The following SPOCK3 variants were observed in gnomAD, a reference collection of about 807,000 sequenced individuals.
The protein encoded by SPOCK3 is testican-3.
A neutral mutation model predicts 56.6 loss-of-function variants in SPOCK3; 30 were observed. The observed-to-expected ratio is 0.53, with a 90% CI of 0.40 to 0.72. SPOCK3 has a LOEUF of 0.72. SPOCK3 is among the 30% of genes least tolerant of loss of function. The pLI is 0.00. For missense variants in SPOCK3, 527 were observed against 530.0 expected (o/e 0.99, Z 0.06); for synonymous variants, 196 against 183.3 (o/e 1.07, Z -0.56).
chr4:166,879,262 C>A (rs1733442595), intron 6 of SPOCK3, among the ~76,000 whole-genome samples: 1 of 152,128 alleles, frequency 6.6e-6, no homozygotes, highest in South Asian at 2.1e-4. Flanking sequence ...ATCATGATGG[C>A]TCATGCCTGT....
At chr4:166,924,237 C>G (rs1643939908) in intron 4 of SPOCK3, among the ~76,000 whole-genome samples, 1 of 152,056 alleles carries the variant, frequency 6.6e-6, no homozygotes. Flanking sequence ...TAATTTCTTC[C>G]CTTTGGTAGG....
chr4:166,955,839 C>A (rs901495090), intron 4 of SPOCK3, among the ~76,000 whole-genome samples: 2 of 151,798 alleles, frequency 1.3e-5, no homozygotes, highest in African/African-American at 4.8e-5. Flanking sequence ...ACATCATGAG[C>A]TGAGGAGCAG....
At chr4:166,902,037 C>G (rs916819477) in intron 5 of SPOCK3, among the ~76,000 whole-genome samples, 44 of 152,138 alleles carry the variant, frequency 2.9e-4, no homozygotes, top group African/African-American at 9.7e-4. Context: ...TTTTGCACAT[C>G]ATGCAATCAG....
At chr4:166,764,538 G>T (rs1431110187) in intron 7 of SPOCK3, among the ~76,000 whole-genome samples, 2 of 152,014 alleles carry the variant, frequency 1.3e-5, no homozygotes, top group Non-Finnish European at 2.9e-5. Context: ...TTTTATGGCT[G>T]CCTAGTATTC....
intron 2 of SPOCK3, among the ~76,000 whole-genome samples, chr4:167,192,998 T>G (rs1732606851): frequency 6.8e-6 from 1 of 146,198 alleles, no homozygotes; most frequent in Admixed American, 7.0e-5. Context: ...TCAGCACTTA[T>G]TTTTTGACCC....
intron 3 of SPOCK3, among the ~76,000 whole-genome samples, chr4:167,007,024 T>C (rs1349507182): frequency 6.6e-6 from 1 of 152,186 alleles, no homozygotes. Flanking sequence ...TTGTTATCAC[T>C]AGAATTCATA....
At chr4:167,057,184 C>G (rs1286964887) in intron 3 of SPOCK3, among the ~76,000 whole-genome samples, 1 of 152,158 alleles carries the variant, frequency 6.6e-6, no homozygotes, top group African/African-American at 2.4e-5. Flanking sequence ...TCCAGCCAAA[C>G]TAAGCTTCAT....
chr4:167,121,548 G>C (rs1761867195), intron 2 of SPOCK3, among the ~76,000 whole-genome samples: 1 of 151,976 alleles, frequency 6.6e-6, no homozygotes, highest in Non-Finnish European at 1.5e-5. Flanking sequence ...GGAAGCAATA[G>C]GAAGAGATAA....
intron 3 of SPOCK3, among the ~76,000 whole-genome samples, chr4:167,038,295 C>T (rs1752939000): frequency 6.6e-6 from 1 of 151,912 alleles, no homozygotes; most frequent in Non-Finnish European, 1.5e-5. Context: ...AATGGTTTGA[C>T]CAAAGAAAGA....
In SPOCK3 at chr4:167,223,214, T is replaced by G. The variant is rs1203929662; in HGVS notation, c.189+10771A>C. On this transcript the variant is annotated intron_variant, in intron 2 of 10. Coordinates refer to ENST00000357545, the MANE Select transcript of SPOCK3 (RefSeq NM_001040159.2). ...ATATGAATAATGTATATTTTATATG[T>G]GAATATATAATATATAATATATTTT... 2.9e-5 allele frequency among the ~76,000 whole-genome samples: 4 copies of G among 137,734 alleles called. No homozygotes were observed. In the Admixed American group the frequency reaches 3.0e-4, roughly 10 times the overall value. The allele number at this position is 137,734 out of a possible 152,430, so 90.4% of individuals were successfully genotyped here.
chr4:167,135,481 T>G (rs1049598754), intron 2 of SPOCK3, among the ~76,000 whole-genome samples: 2 of 152,194 alleles, frequency 1.3e-5, no homozygotes, highest in African/African-American at 4.8e-5. Flanking sequence ...CAAGTAGTTG[T>G]AATCTTTCTC....
chr4:167,032,708 T>G (rs570438097), intron 3 of SPOCK3, among the ~76,000 whole-genome samples: 2 of 152,076 alleles, frequency 1.3e-5, no homozygotes, highest in South Asian at 4.1e-4. Flanking sequence ...AATTATGATT[T>G]TATTAATTAT....
At chr4:167,002,601 AT>A (rs1258779278) in intron 3 of SPOCK3, among the ~76,000 whole-genome samples, 1 of 152,174 alleles carries the variant, frequency 6.6e-6, no homozygotes, top group East Asian at 1.9e-4. Flanking sequence ...AATAAACTAT[AT>A]TAATTTTTCA....
chr4:166,888,359 T>C (rs1734420298), intron 6 of SPOCK3, among the ~76,000 whole-genome samples: 2 of 152,096 alleles, frequency 1.3e-5, no homozygotes, highest in South Asian at 4.1e-4. Flanking sequence ...TATATAACTG[T>C]TGATGACAGT....
rs79368587 is a variant in SPOCK3, at chr4:167,180,223, A to G, written c.189+53762T>C. Among the ~76,000 whole-genome samples the G allele has an allele frequency of 9.5e-3, 1,449 of 152,284 alleles. 16 individuals carry two copies. Among genetic ancestry groups the G allele is most frequent in the Non-Finnish European group, 0.013 (911 of 68,020 alleles). ...AGTAACCACTCAGGGTCTTAAAAAAACCCTGCTCTGGAATGCTTCTGACAT... is the reference window on the plus strand; with the variant it reads ...AGTAACCACTCAGGGTCTTAAAAAAGCCCTGCTCTGGAATGCTTCTGACAT... On this transcript the variant is annotated intron_variant, in intron 2 of 10. Coordinates refer to ENST00000357545, the MANE Select transcript of SPOCK3 (RefSeq NM_001040159.2).
At position 166,932,320 on chromosome 4, in the gene SPOCK3, A is replaced by G. The variant is rs187494468; in HGVS notation, c.351-19577T>C. 2.2e-3 allele frequency among the ~76,000 whole-genome samples: 342 copies of G among 152,290 alleles called. 1 individual carries two copies. Among genetic ancestry groups the G allele is most frequent in the African/African-American group, 7.7e-3 (320 of 41,584 alleles). ...AAATTCCTAAAGTGTGTACTCTTGG[A>G]TATAAATCTTCAGTCATATTACCAA... On this transcript the variant is annotated intron_variant, in intron 4 of 10. Coordinates refer to ENST00000357545, the MANE Select transcript of SPOCK3 (RefSeq NM_001040159.2).
At chr4:166,969,167 T>G (rs1745090095) in intron 4 of SPOCK3, among the ~76,000 whole-genome samples, 1 of 152,212 alleles carries the variant, frequency 6.6e-6, no homozygotes, top group Non-Finnish European at 1.5e-5. Flanking sequence ...TTTAAATTTT[T>G]AAGTTCATAG....
chr4:166,740,808 G>A (rs1333232499), intron 9 of SPOCK3, among the ~76,000 whole-genome samples: 1 of 152,094 alleles, frequency 6.6e-6, no homozygotes, highest in Non-Finnish European at 1.5e-5. Context: ...TTACAGGCGT[G>A]AGCCACTGTA....
intron 6 of SPOCK3, among the ~76,000 whole-genome samples, chr4:166,850,866 T>A (rs1320293217): frequency 6.6e-6 from 1 of 152,198 alleles, no homozygotes; most frequent in African/African-American, 2.4e-5. Flanking sequence ...GAGATCAAAC[T>A]GCAAGGTGGC....
Sources: allele counts gnomAD v4.1 joint callset (sites outside exome capture counted in the v4.1 genomes callset), GRCh38; gene constraint gnomAD v4.1.1; transcripts MANE v1.5; gene names NCBI Gene and HGNC (gene_info 2026-07-23, HGNC 2026-07-21).